MYH10: variants seen among roughly 807,000 people sequenced by gnomAD.
The protein encoded by MYH10 is myosin-10.
Under a neutral mutation model 257.8 loss-of-function variants are expected in MYH10, and 55 were observed. That is an observed-to-expected ratio of 0.21 (90% CI 0.17 to 0.27). MYH10 has a LOEUF of 0.27. Among genes scored for constraint, MYH10 ranks in the 10% least tolerant of loss-of-function variants. MYH10 has a pLI of 1.00. For synonymous variants in MYH10, 854 were observed against 921.7 expected, an observed-to-expected ratio of 0.93 and a Z score of 1.33; for missense variants, 1,631 against 2,500.6, an observed-to-expected ratio of 0.65 and a Z score of 7.42.
intron 1 of MYH10, among the ~76,000 whole-genome samples, chr17:8,628,467 T>C (rs538363170): frequency 1.3e-5 from 2 of 152,278 alleles, no homozygotes; most frequent in East Asian, 1.9e-4. Context: ...GGCCTGCACA[T>C]AGAAAGGCAA....
intron 9 of MYH10, among the ~76,000 whole-genome samples, chr17:8,551,439 T>C (rs941159410): frequency 2.0e-5 from 3 of 152,162 alleles, no homozygotes; most frequent in East Asian, 3.8e-4. Context: ...ATCTAGATAA[T>C]ATATATAATA....
At position 8,509,884 on chromosome 17, in the gene MYH10, T is replaced by C; in HGVS notation, c.3018A>G (p.Thr1006=). The C allele has an allele frequency of 6.2e-6, 10 of 1,613,708 alleles. No individual in the cohort carries two copies. The highest frequency in any genetic ancestry group is 8.5e-6 in the Non-Finnish European group (10 of 1,179,798). ...CCATCTTCTTGATCTTGGCCTCTGCTGTCACCTTTTCCAGCTGCAGCTTTT... is the reference window on the plus strand; with the variant it reads ...CCATCTTCTTGATCTTGGCCTCTGCCGTCACCTTTTCCAGCTGCAGCTTTT... ...ARQKLQLEKV[T]AEAKIKKMEE... is the part of the protein sequence containing the mutation. Residue 1006 remains threonine (T), a synonymous_variant, in exon 25 of 43, where the codon ACA becomes ACG. Transcript: ENST00000360416.
At chr17:8,541,699 C>G (rs2082292758) in intron 14 of MYH10, among the ~76,000 whole-genome samples, 1 of 152,050 alleles carries the variant, frequency 6.6e-6, no homozygotes, top group South Asian at 2.1e-4. Flanking sequence ...CATCTTTGTA[C>G]TTTAAAAGGC....
At chr17:8,579,989 T>C (rs2152026758) in intron 4 of MYH10, among the ~76,000 whole-genome samples, 1 of 152,270 alleles carries the variant, frequency 6.6e-6, no homozygotes, top group East Asian at 1.9e-4. Context: ...TAGACAGGCA[T>C]GGTGGCGGGC....
At position 8,569,895 on chromosome 17, in the gene MYH10, C is replaced by G. The variant is rs2083282735; in HGVS notation, c.664-83G>C. 4 of 1,047,368 alleles carry G rather than the reference C, an allele frequency of 3.8e-6. No homozygotes were observed. The highest frequency in any genetic ancestry group is 5.5e-6 in the Non-Finnish European group (4 of 730,772). The allele number at this position is 1,047,368 out of a possible 1,614,324, so 64.9% of individuals were successfully genotyped here. ...ACTCAAGTCATCAGGGGAAAAATTT[C>G]TAAAAAAGAAACTGCATCTTTTCCT... is the stretch of plus-strand genomic sequence containing the variant. On this transcript the variant is annotated intron_variant, in intron 6 of 42. Transcript: ENST00000360416. This position sits in a 1 kb window ranked among gnomAD's most constrained non-coding sequence, Gnocchi z 4.1.
At chr17:8,618,637 T>C (rs891538600) in intron 2 of MYH10, among the ~76,000 whole-genome samples, 1 of 152,238 alleles carries the variant, frequency 6.6e-6, no homozygotes, top group Non-Finnish European at 1.5e-5. Flanking sequence ...ACGGTTTACC[T>C]TGCGTATTGA....
chr17:8,592,934 T>C (rs9906556), intron 3 of MYH10, among the ~76,000 whole-genome samples: 2,207 of 3,836 alleles, frequency 0.58, 490 homozygotes, highest in Middle Eastern at 1. Flanking sequence ...CAAATCCAGC[T>C]ATATATATAT....
intron 3 of MYH10, among the ~76,000 whole-genome samples, chr17:8,600,432 A>G (rs1955051288): frequency 6.6e-6 from 1 of 152,200 alleles, no homozygotes; most frequent in African/African-American, 2.4e-5. Context: ...GACTACCAAT[A>G]TGGAAGGATG....
chr17:8,478,816 C>T (rs1438331728), intron 40 of MYH10, among the ~76,000 whole-genome samples: 10 of 152,156 alleles, frequency 6.6e-5, no homozygotes, highest in East Asian at 1.9e-4. Context: ...CTGCAACCTC[C>T]GCCTCCTGGG....
intron 7 of MYH10, chr17:8,560,992 C>G (rs1567902331): frequency 1.2e-5 from 6 of 511,486 alleles, no homozygotes; most frequent in Non-Finnish European, 2.1e-5. Context: ...TGATCTTAAC[C>G]ACCAAATCAT....
intron 17 of MYH10, among the ~76,000 whole-genome samples, chr17:8,526,090 C>T (rs577378985): frequency 1.7e-4 from 26 of 152,238 alleles, no homozygotes; most frequent in Admixed American, 3.9e-4. Context: ...CGCGCCCAGC[C>T]GTTTTTAATT....
At chr17:8,607,991 A>T (rs1050434705) in intron 2 of MYH10, among the ~76,000 whole-genome samples, 7 of 152,206 alleles carry the variant, frequency 4.6e-5, no homozygotes, top group Admixed American at 1.3e-4. Context: ...TGGGGTCAAA[A>T]GGAGAGATAA....
At chr17:8,615,945 T>C (rs1597985976) in intron 2 of MYH10, among the ~76,000 whole-genome samples, 1 of 152,336 alleles carries the variant, frequency 6.6e-6, no homozygotes, top group East Asian at 1.9e-4. Flanking sequence ...TCAAAAAACA[T>C]TGTACTGAAA....
At position 8,548,658 on chromosome 17, in the gene MYH10, T is replaced by C. The variant is rs937050020; in HGVS notation, c.1049A>G (p.His350Arg). The C allele has an allele frequency of 1.9e-6, 3 of 1,614,122 alleles. No homozygotes were observed. Among genetic ancestry groups the C allele is most frequent in the Admixed American group, 1.7e-5 (1 of 60,028 alleles). The change falls in exon 10 of 43, where the codon CAT (histidine) becomes CGT (arginine). Residue 350 changes from histidine to arginine, a missense_variant. Physicochemically the swap from His to Arg is conservative, Grantham distance 29. Around this residue, in one of 11 missense-constraint regions of MYH10, gnomAD observed 360 missense variants for 581.9 expected, o/e 0.62. Transcript: ENST00000360416. Reference protein sequence around the residue: ...MEAMHIMGFSHEEILSMLKVV... With the variant: ...MEAMHIMGFSREEILSMLKVV... Reference sequence around the variant, plus strand: ...ATCACACATACACAGAATCTCTTCATGGGAGAAGCCCATTATGTGCATTGC... The same window carrying C: ...ATCACACATACACAGAATCTCTTCACGGGAGAAGCCCATTATGTGCATTGC...
chr17:8,582,769 G>C (rs868789561), intron 4 of MYH10, among the ~76,000 whole-genome samples: 5 of 152,240 alleles, frequency 3.3e-5, no homozygotes, highest in Non-Finnish European at 5.9e-5. Context: ...CCAATTCTGA[G>C]ACCTTTGAAT....
At position 8,623,242 on chromosome 17, in the gene MYH10, G is replaced by T. The variant is rs1418057889; in HGVS notation, c.5C>A (p.Ala2Glu). M[A>E]QRTGLEDPER... ...TGGATCCTCGAGTCCAGTTCTCTGC[G>T]CCATTGTAAATGGAACGATCCAAAA... Residue 2 changes from alanine to glutamate, a missense_variant, in exon 2 of 43, where the codon GCG becomes GAG. Physicochemically the swap from Ala to Glu is moderately radical, Grantham distance 107. Around this residue, in one of 11 missense-constraint regions of MYH10, gnomAD observed 360 missense variants for 581.9 expected, o/e 0.62. Transcript: ENST00000360416. 6.3e-7 allele frequency: 1 copy of T among 1,575,316 alleles called. No homozygotes were observed. The highest frequency in any genetic ancestry group is 8.6e-7 in the Non-Finnish European group (1 of 1,164,278).
At chr17:8,582,313 C>T (rs1271766285) in intron 4 of MYH10, among the ~76,000 whole-genome samples, 2 of 152,154 alleles carry the variant, frequency 1.3e-5, no homozygotes, top group East Asian at 1.9e-4. Flanking sequence ...GGAGACTCCT[C>T]AGAAAAGTGA....
intron 33 of MYH10, 51 bp downstream of exon 33, chr17:8,492,725 C>T (rs773701932): frequency 1.8e-5 from 28 of 1,534,626 alleles, no homozygotes; most frequent in African/African-American, 4.3e-5. Flanking sequence ...TTAAACCAAA[C>T]GAACAAAAGC....
In MYH10 at chr17:8,607,983, G is replaced by A. The variant is rs180724042; in HGVS notation, c.346-3001C>T. On this transcript the variant is annotated intron_variant, in intron 2 of 42. Transcript: ENST00000360416. ...TTTGATGTTCTTTTTAAAGACTATG[G>A]GGTCAAAAGGAGAGATAAAGGAATT... Among the ~76,000 whole-genome samples the A allele has an allele frequency of 3.2e-3, 487 of 152,214 alleles. 3 individuals are homozygous for A. The highest frequency in any genetic ancestry group is 0.011 in the African/African-American group (466 of 41,512).
Sources: allele counts gnomAD v4.1 joint callset (sites outside exome capture counted in the v4.1 genomes callset), GRCh38; gene constraint gnomAD v4.1.1; regional missense constraint gnomAD v4.1.1; non-coding constraint Gnocchi (gnomAD v3.1); transcripts MANE v1.5; gene names NCBI Gene and HGNC (gene_info 2026-07-23, HGNC 2026-07-21).